Variants in RNF212 observed in about 807,000 individuals in gnomAD.
RNF212 encodes the protein ring finger protein 212, also known as probable E3 SUMO-protein ligase RNF212.
RNF212 carries 33 observed loss-of-function variants against 34.7 expected under a neutral mutation model. That is an observed-to-expected ratio of 0.95 (90% CI 0.72 to 1.27). The LOEUF (loss-of-function observed/expected upper bound fraction) is 1.27, where lower values mean the gene tolerates loss of function less well. RNF212 is among the 50% of genes most tolerant of loss of function. The pLI, the probability that RNF212 is intolerant of heterozygous loss-of-function variation, is 0.00. For synonymous variants in RNF212, 140 were observed against 136.1 expected, an observed-to-expected ratio of 1.03 and a Z score of -0.20; for missense variants, 377 against 362.2, an observed-to-expected ratio of 1.04 and a Z score of -0.33.
At chr4:1,056,649 C>G (rs7680608) in intron 4 of RNF212, 424,110 of 455,340 alleles carry the variant, frequency 0.93, 197,671 homozygotes, top group East Asian at 1. Context: ...TCATAATTTT[C>G]GAAATTCACA....
intron 1 of RNF212, among the ~76,000 whole-genome samples, chr4:1,111,683 C>T (rs566006276): frequency 1.2e-4 from 18 of 152,272 alleles, no homozygotes; most frequent in East Asian, 1.2e-3. Context: ...CCTCGCTGCC[C>T]GAGACACTTT....
downstream of RNF212, among the ~76,000 whole-genome samples, chr4:1,067,209 G>T (rs77269282): frequency 0.015 from 2,269 of 152,148 alleles, 58 homozygotes; most frequent in African/African-American, 0.052. Context: ...TATGAATTTT[G>T]GGGGGACTCA....
At chr4:1,099,662 G>C (rs1723624499) in intron 2 of RNF212, 5 of 440,002 alleles carry the variant, frequency 1.1e-5, no homozygotes, top group South Asian at 7.9e-5. Context: ...TTTTTAAAAG[G>C]GGGGTGTGTG....
chr4:1,112,519 G>A (rs1040731722), intron 1 of RNF212, among the ~76,000 whole-genome samples: 4 of 151,966 alleles, frequency 2.6e-5, no homozygotes, highest in Non-Finnish European at 1.5e-5. Flanking sequence ...CTGACAATGC[G>A]ACTGTCCACT....
chr4:1,106,533 T>G (rs989387366), intron 2 of RNF212, among the ~76,000 whole-genome samples: 8 of 152,140 alleles, frequency 5.3e-5, no homozygotes, highest in African/African-American at 1.9e-4. Context: ...AATAAAGACA[T>G]ATTAGAGATT....
intron 3 of RNF212, 179 bp downstream of exon 3, chr4:1,096,586 A>C (rs1449865504): frequency 3.1e-6 from 2 of 648,842 alleles, no homozygotes; most frequent in Non-Finnish European, 5.5e-6. Context: ...CCACAGCTCC[A>C]TGGTCTCGGG....
chr4:1,112,219 G>A (rs1247083854), intron 1 of RNF212, among the ~76,000 whole-genome samples: 2 of 152,152 alleles, frequency 1.3e-5, no homozygotes, highest in Non-Finnish European at 2.9e-5. Context: ...AAGAGGCAAA[G>A]AGAAGGAAGG....
At chr4:1,076,903 AC>A (rs1719396024) in intron 8 of RNF212, among the ~76,000 whole-genome samples, 2 of 152,238 alleles carry the variant, frequency 1.3e-5, no homozygotes, top group East Asian at 3.9e-4. Context: ...GTAGCTGTGG[AC>A]TGTCTGGTCT....
At chr4:1,113,579 G>T (rs560862073), upstream of RNF212, 4 of 758,068 alleles carry the variant, frequency 5.3e-6, no homozygotes, top group African/African-American at 5.6e-5. Context: ...GCGCAAAGTC[G>T]ACGGCAGCCC....
At chr4:1,062,781 C>A (rs7673898) in intron 3 of RNF212, among the ~76,000 whole-genome samples, 123,432 of 152,148 alleles carry the variant, frequency 0.81, 50,778 homozygotes, top group African/African-American at 0.94. Context: ...CTCCACTTGC[C>A]GATGACATGA....
At chr4:1,081,719 T>C (rs1720382392) in intron 5 of RNF212, 100 bp from the exon 6 acceptor site, 2 of 834,186 alleles carry the variant, frequency 2.4e-6, no homozygotes, top group Non-Finnish European at 4.0e-6. Flanking sequence ...ATCAGTGAAA[T>C]GTTCTTACTG....
rs546757013 is a variant in RNF212 at position 1,097,474 on chromosome 4, G to A, written c.172-635C>T. ...AAAAAAATTAGCCGGGCGTGGTGACGGGCACCTGTAGTCCCAGCTACTCAG... is the reference window on the plus strand; with the variant it reads ...AAAAAAATTAGCCGGGCGTGGTGACAGGCACCTGTAGTCCCAGCTACTCAG... On this transcript the variant is annotated intron_variant, in intron 2 of 9. Coordinates refer to ENST00000433731, the MANE Select transcript of RNF212 (RefSeq NM_001131034.4). 3.1e-4 allele frequency among the ~76,000 whole-genome samples: 47 copies of A among 152,078 alleles called. No homozygotes were observed. The East Asian group carries it at 5.2e-3, about 17-fold the overall frequency.
At chr4:1,083,131 C>A (rs1431089887) in intron 5 of RNF212, among the ~76,000 whole-genome samples, 2 of 152,112 alleles carry the variant, frequency 1.3e-5, no homozygotes, top group Non-Finnish European at 2.9e-5. Context: ...GCCTGTGCAA[C>A]CTCACCAGAG....
At chr4:1,074,314 C>T (rs557463799) in intron 8 of RNF212, among the ~76,000 whole-genome samples, 2 of 152,316 alleles carry the variant, frequency 1.3e-5, no homozygotes, top group South Asian at 4.1e-4. Context: ...GGGCTCGCTC[C>T]TCTGGCTCTC....
intron 7 of RNF212, among the ~76,000 whole-genome samples, chr4:1,079,915 G>A (rs1462937552): frequency 6.6e-6 from 1 of 152,228 alleles, no homozygotes; most frequent in African/African-American, 2.4e-5. Flanking sequence ...GACAGAGGCC[G>A]CTGGCCGGCC....
chr4:1,083,647 C>T (rs1720711431), intron 5 of RNF212, among the ~76,000 whole-genome samples: 1 of 148,182 alleles, frequency 6.7e-6, no homozygotes, highest in Non-Finnish European at 1.5e-5. Flanking sequence ...CAAAAACAAA[C>T]AAACAAACAA....
intron 8 of RNF212, among the ~76,000 whole-genome samples, chr4:1,075,474 G>A (rs78388282): frequency 9.2e-4 from 140 of 152,258 alleles, no homozygotes; most frequent in Non-Finnish European, 1.7e-3. Context: ...AGACTGGGGG[G>A]TGGTGCCATG....
chr4:1,080,628 G>A (rs184038023), intron 7 of RNF212, among the ~76,000 whole-genome samples: 4 of 152,182 alleles, frequency 2.6e-5, no homozygotes, highest in Admixed American at 1.3e-4. Context: ...AACTCCTCAC[G>A]GGAAACCTGC....
chr4:1,112,353 T>C (rs1577858026), intron 1 of RNF212, among the ~76,000 whole-genome samples: 1 of 152,172 alleles, frequency 6.6e-6, no homozygotes, highest in East Asian at 1.9e-4. Flanking sequence ...TCAGCACAGC[T>C]GGCGTCCCCT....
Sources: gnomAD v4.1 joint callset for allele counts (sites outside exome capture counted in the v4.1 genomes callset) on GRCh38, gnomAD v4.1.1 for gene constraint, MANE v1.5 for transcripts, NCBI Gene and HGNC (gene_info 2026-07-23, HGNC 2026-07-21) for gene names.